The following TAF1 variants were observed in gnomAD, a reference collection of about 807,000 sequenced individuals.
The protein encoded by TAF1 is TATA-box binding protein associated factor 1.
A neutral mutation model predicts 138.5 loss-of-function variants in TAF1; 2 were observed. The observed-to-expected ratio is 0.01, with a 90% CI of 0.01 to 0.05. The LOEUF is 0.05. Among genes scored for constraint, TAF1 ranks in the 10% least tolerant of loss-of-function variants. The pLI is 1.00. For synonymous variants in TAF1, 437 were observed against 503.2 expected, an observed-to-expected ratio of 0.87 and a Z score of 1.76; for missense variants, 709 against 1,478.0, an observed-to-expected ratio of 0.48 and a Z score of 8.53.
At chrX:71,431,914 C>CAA (rs762790780) in intron 32 of TAF1, among the ~76,000 whole-genome samples, 7 of 36,872 alleles carry the variant, frequency 1.9e-4, no homozygotes, top group African/African-American at 4.6e-4. Flanking sequence ...GACTCCGTCT[C>CAA]AAAAAAAAAA....
At position 71,490,052 on chromosome X, in the gene TAF1, C is replaced by T. The variant is rs772971524; in HGVS notation, c.1366+29249C>T. Among the ~76,000 whole-genome samples the T allele has an allele frequency of 3.9e-3, 431 of 111,369 alleles. 5 individuals are homozygous for T. Among genetic ancestry groups the T allele is most frequent in the Middle Eastern group, 9.1e-3 (2 of 219 alleles). On this transcript the variant is annotated intron_variant and NMD_transcript_variant, in intron 13 of 14. Transcript: ENST00000373775. ...AAAAACTCTTTTCCCTCCTCCTCCA[C>T]CCCCTCCACTTTCCCCTCCTACTTG... is the stretch of plus-strand genomic sequence containing the variant.
chrX:71,487,112 T>A (rs1343339650), intron 13 of TAF1, among the ~76,000 whole-genome samples: 1 of 108,103 alleles, frequency 9.3e-6, no homozygotes. Flanking sequence ...TTTTTTTTTT[T>A]ATCCACCCCT....
chrX:71,396,154 A>G (rs961589423), intron 22 of TAF1, among the ~76,000 whole-genome samples: 6 of 109,771 alleles, frequency 5.5e-5, no homozygotes, highest in African/African-American at 2.0e-4. Context: ...GTCTCAAAAA[A>G]AAAAAAAATA....
At chrX:71,505,786 C>T (rs371235924) in intron 13 of TAF1, among the ~76,000 whole-genome samples, 1 of 110,791 alleles carries the variant, frequency 9.0e-6, no homozygotes, top group Non-Finnish European at 1.9e-5. Context: ...TTTGGGAGGC[C>T]GAGGCAGGTG....
chrX:71,509,397 A>G (rs184091344), intron 13 of TAF1, among the ~76,000 whole-genome samples: 2 of 111,874 alleles, frequency 1.8e-5, no homozygotes, highest in Non-Finnish European at 1.9e-5. Context: ...GTAGGACTTG[A>G]GGATTGATTG....
rs1368346752 is a variant in TAF1, at chrX:71,407,240, C to CA, written c.4108-333dup. Among the ~76,000 whole-genome samples the CA allele has an allele frequency of 2.7e-3, 223 of 81,421 alleles. 1 individual carries two copies. In the Middle Eastern group the frequency reaches 0.04, roughly 14 times the overall value. The allele number at this position is 81,421 out of a possible 115,157, so 70.7% of individuals were successfully genotyped here. On this transcript the variant is annotated intron_variant, in intron 26 of 37. Transcript: ENST00000423759. ...TTTTTTTTTTTTTTTTTTTTTGAGA[C>CA]AGAGTCTCGCTCTGTTACCCAGGCT...
chrX:71,425,700 A>G (rs2036557370), intron 32 of TAF1, among the ~76,000 whole-genome samples: 1 of 111,350 alleles, frequency 9.0e-6, no homozygotes, highest in South Asian at 3.8e-4. Flanking sequence ...TAATAGAAGT[A>G]TGTGCAGATT....
intron 13 of TAF1, among the ~76,000 whole-genome samples, chrX:71,494,566 G>A (rs901863190): frequency 8.9e-6 from 1 of 112,388 alleles, no homozygotes; most frequent in Non-Finnish European, 1.9e-5. Flanking sequence ...CCAAAAGATT[G>A]GACATCCCTG....
At chrX:71,422,125 A>G (rs143794780) in intron 29 of TAF1, among the ~76,000 whole-genome samples, 172 of 112,086 alleles carry the variant, frequency 1.5e-3, no homozygotes, top group African/African-American at 5.1e-3. Flanking sequence ...AATAATGTTT[A>G]GTGTTTCCAG....
intron 18 of TAF1, 100 bp from the exon 19 acceptor site, chrX:71,392,466 AAAG>A (rs2034618311): frequency 4.0e-6 from 4 of 998,077 alleles, no homozygotes; most frequent in East Asian, 6.9e-5. Flanking sequence ...AATTAGAAAA[AAAG>A]AACATGAAAA....
At chrX:71,388,578 G>A in intron 16 of TAF1, 160 bp from the exon 17 acceptor site, 1 of 906,243 alleles carries the variant, frequency 1.1e-6, no homozygotes, top group East Asian at 3.2e-5. Flanking sequence ...TATCTTCTAT[G>A]AGTTGTAGGA....
intron 25 of TAF1, among the ~76,000 whole-genome samples, chrX:71,403,242 T>C (rs886357596): frequency 9.0e-6 from 1 of 111,134 alleles, no homozygotes; most frequent in African/African-American, 3.3e-5. Context: ...TTGCCCAGGC[T>C]GGTCTCAATC....
chrX:71,421,523 T>C (rs942175209), intron 29 of TAF1, 147 bp downstream of exon 29: 14 of 474,271 alleles, frequency 3.0e-5, no homozygotes, highest in Admixed American at 3.8e-5. Flanking sequence ...AAGGGACTTA[T>C]AGAACTCATA....
intron 32 of TAF1, among the ~76,000 whole-genome samples, chrX:71,446,307 C>T (rs2037695714): frequency 8.9e-6 from 1 of 112,036 alleles, no homozygotes; most frequent in Non-Finnish European, 1.9e-5. Flanking sequence ...AAGGCTATAC[C>T]TGTTTGTAGT....
In TAF1 at chrX:71,385,007, A is replaced by G. The variant is rs754466296; in HGVS notation, c.2184A>G (p.Thr728=). Residue 728 remains threonine (T), a synonymous_variant, in exon 14 of 38, where the codon ACA becomes ACG. Coordinates refer to ENST00000423759, the MANE Select transcript of TAF1 (RefSeq NM_004606.5). ...CKYGETVYCH[T]SPFLGSLHPG... ...ATGGGGAAACTGTTTACTGCCATAC[A>G]TCTCCTTTCCTGGGTTCTCTCCATC... 2.5e-6 allele frequency: 3 copies of G among 1,208,978 alleles called. No individual in the cohort carries two copies. The highest frequency in any genetic ancestry group is 3.4e-6 in the Non-Finnish European group (3 of 894,878).
intron 12 of TAF1, among the ~76,000 whole-genome samples, chrX:71,383,554 CATA>C (rs1321334239): frequency 1.8e-5 from 2 of 112,172 alleles, no homozygotes; most frequent in Non-Finnish European, 3.8e-5. Context: ...GATAAAATAG[CATA>C]ATATTTGCAC....
intron 3 of TAF1, among the ~76,000 whole-genome samples, chrX:71,370,845 G>A (rs1328612635): frequency 1.8e-5 from 2 of 111,886 alleles, no homozygotes; most frequent in Non-Finnish European, 3.8e-5. Context: ...AGTAACCCAC[G>A]AAAAATAGAA....
In TAF1 at chrX:71,401,057, C is replaced by T. The variant is rs1366226374; in HGVS notation, c.3787-471C>T. Among the ~76,000 whole-genome samples the T allele has an allele frequency of 7.1e-5, 8 of 112,374 alleles. No homozygotes were observed. The Admixed American group carries it at 7.6e-4, about 11-fold the overall frequency. ...TTGTCTCCTGCATATTTAATATTTT[C>T]ATAGTTTACAACTTAAATTGGGAGT... On this transcript the variant is annotated intron_variant, in intron 24 of 37. Coordinates refer to ENST00000423759, the MANE Select transcript of TAF1 (RefSeq NM_004606.5).
At chrX:71,508,475 T>C (rs951922168) in intron 13 of TAF1, among the ~76,000 whole-genome samples, 2 of 106,829 alleles carry the variant, frequency 1.9e-5, no homozygotes, top group Admixed American at 1.0e-4. Flanking sequence ...CATGGTGGCA[T>C]GTGCCTGTAG....
Sources: gnomAD v4.1 joint callset for allele counts (sites outside exome capture counted in the v4.1 genomes callset) on GRCh38, gnomAD v4.1.1 for gene constraint, MANE v1.5 for transcripts, NCBI Gene and HGNC (gene_info 2026-07-23, HGNC 2026-07-21) for gene names.